CUL5: variants seen among roughly 807,000 people sequenced by gnomAD.
CUL5 encodes cullin-5.
Under a neutral mutation model 108.8 loss-of-function variants are expected in CUL5, and 26 were observed. That is an observed-to-expected ratio of 0.24 (90% CI 0.18 to 0.33). The LOEUF (loss-of-function observed/expected upper bound fraction) is 0.33, where lower values mean the gene tolerates loss of function less well. CUL5 is among the 10% of genes least tolerant of loss of function. The pLI is 1.00. For synonymous variants in CUL5, 334 were observed against 298.0 expected, an observed-to-expected ratio of 1.12 and a Z score of -1.25; for missense variants, 524 against 909.2, an observed-to-expected ratio of 0.58 and a Z score of 5.45.
At chr11:108,065,797 G>T (rs1018116511) in intron 7 of CUL5, among the ~76,000 whole-genome samples, 5 of 152,134 alleles carry the variant, frequency 3.3e-5, no homozygotes, top group Admixed American at 3.3e-4. Context: ...TTATGAAGGT[G>T]TTTTTTTGTG....
intron 7 of CUL5, among the ~76,000 whole-genome samples, chr11:108,061,054 A>T (rs1297507371): frequency 6.6e-6 from 1 of 152,134 alleles, no homozygotes; most frequent in Non-Finnish European, 1.5e-5. Flanking sequence ...CTGGGGAGAG[A>T]TTGCTATGGA....
chr11:108,041,766 A>G (rs1056121613), intron 2 of CUL5, among the ~76,000 whole-genome samples: 11 of 151,654 alleles, frequency 7.3e-5, no homozygotes, highest in Admixed American at 5.9e-4. Flanking sequence ...AATTTTTCGT[A>G]TTTTTAGTGG....
At chr11:108,086,322 T>C (rs527921712) in intron 11 of CUL5, among the ~76,000 whole-genome samples, 1 of 152,240 alleles carries the variant, frequency 6.6e-6, no homozygotes, top group South Asian at 2.1e-4. Context: ...ATAAGACTAA[T>C]AGCTAGCTTG....
rs1411629917 is a variant in CUL5 at position 108,054,764 on chromosome 11, A to G, written c.671A>G (p.Gln224Arg). 1 of 1,611,046 alleles carries G rather than the reference A, an allele frequency of 6.2e-7. No homozygotes were observed. The highest frequency in any genetic ancestry group is 8.5e-7 in the Non-Finnish European group (1 of 1,178,266). ...YRTQAPSYLQ[Q>R]NGVQNYMKYA... is the part of the protein sequence containing the mutation. ...ACACAAGCACCCTCGTATTTACAACAAAATGGTGTACAGAATTATATGAAA... is the reference window on the plus strand; with the variant it reads ...ACACAAGCACCCTCGTATTTACAACGAAATGGTGTACAGAATTATATGAAA... Residue 224 changes from glutamine to arginine, a missense_variant, in exon 6 of 19, where the codon CAA becomes CGA. This residue lies in a region of CUL5 where 170 missense variants were observed against 305.1 expected (regional missense o/e 0.56). Transcript: ENST00000393094.
intron 7 of CUL5, among the ~76,000 whole-genome samples, chr11:108,063,412 ATTGTGT>A (rs1863594039): frequency 6.6e-6 from 1 of 152,060 alleles, no homozygotes; most frequent in Non-Finnish European, 1.5e-5. Flanking sequence ...ATAGTACTCC[ATTGTGT>A]TTATGTACAT....
chr11:108,073,012 C>G (rs2135187081), intron 9 of CUL5, among the ~76,000 whole-genome samples: 1 of 152,062 alleles, frequency 6.6e-6, no homozygotes, highest in South Asian at 2.1e-4. Context: ...ACTATCCTGG[C>G]TAACATGGTG....
chr11:108,052,513 C>T (rs769318515), intron 4 of CUL5, 147 bp from the exon 5 acceptor site: 34 of 621,262 alleles, frequency 5.5e-5, no homozygotes, highest in South Asian at 5.1e-4. Flanking sequence ...CCACCTGCCT[C>T]GGCCTCCCAA....
intron 5 of CUL5, 29 bp downstream of exon 5, chr11:108,052,830 T>A (rs755193857): frequency 6.4e-7 from 1 of 1,573,082 alleles, no homozygotes; most frequent in Admixed American, 1.8e-5. Context: ...TGATCATAAT[T>A]TCTGTTTCAT....
Position 108,054,952 on chromosome 11 carries a change from A to C in CUL5, c.777A>C (p.Glu259Asp), listed in dbSNP as rs1863336551. Residue 259 changes from glutamate (E) to aspartate (D), a missense_variant, in exon 7 of 19, where the codon GAA (glutamate) becomes GAC (aspartate). Coordinates refer to ENST00000393094, the MANE Select transcript of CUL5 (RefSeq NM_003478.6). ...LETRRECNSV[E>D]ALMECCVNAL... is the part of the protein sequence containing the mutation. ...CAAGACGAGAATGTAACTCCGTTGA[A>C]GCAGTAAGTAATTTTGTAATTGTAC... 1 of 1,591,886 alleles carries C rather than the reference A, an allele frequency of 6.3e-7. No individual in the cohort carries two copies. Among genetic ancestry groups the C allele is most frequent in the Admixed American group, 1.8e-5 (1 of 55,530 alleles).
At chr11:108,041,775 G>A (rs945044920) in intron 2 of CUL5, among the ~76,000 whole-genome samples, 2 of 151,540 alleles carry the variant, frequency 1.3e-5, no homozygotes, top group African/African-American at 4.9e-5. Context: ...TATTTTTAGT[G>A]GAGATGGGGT....
intron 1 of CUL5, among the ~76,000 whole-genome samples, chr11:108,031,118 A>G (rs1341421861): frequency 6.6e-6 from 1 of 152,164 alleles, no homozygotes; most frequent in African/African-American, 2.4e-5. Flanking sequence ...CTGTAATTCT[A>G]GCACTTTGGA....
intron 2 of CUL5, among the ~76,000 whole-genome samples, chr11:108,045,741 G>A (rs1437500059): frequency 6.6e-6 from 1 of 152,114 alleles, no homozygotes; most frequent in Non-Finnish European, 1.5e-5. Flanking sequence ...TGCTCCTATA[G>A]TACCAGCTCT....
chr11:108,054,568 C>A, intron 5 of CUL5, 79 bp from the exon 6 acceptor site: 1 of 990,364 alleles, frequency 1.0e-6, no homozygotes, highest in Non-Finnish European at 1.5e-6. Context: ...AATGACTCCT[C>A]AATATTTATT....
intron 13 of CUL5, among the ~76,000 whole-genome samples, chr11:108,092,114 G>A (rs888261859): frequency 9.9e-5 from 15 of 152,168 alleles, no homozygotes; most frequent in African/African-American, 3.6e-4. Context: ...TGCAGCCTGG[G>A]CAACAGAGTG....
intron 2 of CUL5, among the ~76,000 whole-genome samples, chr11:108,034,476 T>C (rs1004842738): frequency 1.3e-5 from 2 of 152,216 alleles, no homozygotes; most frequent in African/African-American, 4.8e-5. Flanking sequence ...AGTTCTCAGA[T>C]GCCAGCCAAA....
intron 17 of CUL5, among the ~76,000 whole-genome samples, 191 bp from the exon 18 acceptor site, chr11:108,098,215 G>C (rs1041298343): frequency 1.3e-5 from 2 of 151,954 alleles, no homozygotes; most frequent in African/African-American, 4.8e-5. Context: ...TTATTAACAG[G>C]TTAGTTATCA....
chr11:108,094,978 A>T lies in CUL5; in HGVS notation c.1734A>T (p.Ser578=). The T allele has an allele frequency of 6.2e-7, 1 of 1,607,180 alleles. No homozygotes were observed. The highest frequency in any genetic ancestry group is 8.5e-7 in the Non-Finnish European group (1 of 1,176,890). The change falls in exon 15 of 19, where the codon TCA becomes TCT. Residue 578 remains serine (S), a synonymous_variant. Transcript: ENST00000393094. ...GRKLHWHHLM[S]NGIITFKNEV... ...AATTACATTGGCATCATCTCATGTC[A>T]AATGGAATTGTAAGTAGATAGTGTG...
intron 4 of CUL5, 146 bp from the exon 5 acceptor site, chr11:108,052,514 G>A (rs980769528): frequency 1.1e-5 from 7 of 615,536 alleles, no homozygotes; most frequent in African/African-American, 5.6e-5. Flanking sequence ...CACCTGCCTC[G>A]GCCTCCCAAA....
intron 1 of CUL5, among the ~76,000 whole-genome samples, chr11:108,019,664 T>C (rs1291749630): frequency 1.3e-5 from 2 of 152,196 alleles, no homozygotes; most frequent in Non-Finnish European, 2.9e-5. Context: ...GTCACTCTTA[T>C]AAAAGTCTAG....
Sources: gnomAD v4.1 joint callset for allele counts (sites outside exome capture counted in the v4.1 genomes callset) on GRCh38, gnomAD v4.1.1 for gene constraint, gnomAD v4.1.1 regional missense constraint, MANE v1.5 for transcripts, NCBI Gene and HGNC (gene_info 2026-07-23, HGNC 2026-07-21) for gene names.